DLG2: variants seen among roughly 807,000 people sequenced by gnomAD.
DLG2 encodes discs large MAGUK scaffold protein 2, also known as disks large homolog 2.
In DLG2, 45 loss-of-function variants were observed where a neutral mutation model predicts 132.5. The ratio of observed to expected loss-of-function variants is 0.34; its 90% CI spans 0.27 to 0.44. The LOEUF (loss-of-function observed/expected upper bound fraction) is 0.44, where lower values mean the gene tolerates loss of function less well. Among genes scored for constraint, DLG2 ranks in the 20% least tolerant of loss-of-function variants. DLG2 has a pLI of 1.00. For synonymous variants in DLG2, 424 were observed against 419.6 expected (o/e 1.01, Z -0.13); for missense variants, 1,045 against 1,196.9 (o/e 0.87, Z 1.87).
chr11:83,513,515 A>G (rs1174774068), intron 21 of DLG2, among the ~76,000 whole-genome samples: 3 of 152,200 alleles, frequency 2.0e-5, no homozygotes, highest in Non-Finnish European at 4.4e-5. Context: ...TTTGCTGTGC[A>G]GAAGCTCTTT....
At chr11:84,308,754 T>C (rs2098256646) in intron 7 of DLG2, among the ~76,000 whole-genome samples, 1 of 152,086 alleles carries the variant, frequency 6.6e-6, no homozygotes, top group South Asian at 2.1e-4. Flanking sequence ...GGGGACCCAG[T>C]ACACCCTCCG....
chr11:85,099,841 A>G (rs2070569754), intron 6 of DLG2, among the ~76,000 whole-genome samples: 1 of 152,176 alleles, frequency 6.6e-6, no homozygotes, highest in African/African-American at 2.4e-5. Context: ...AGTTCACAAG[A>G]CATTCACCTA....
At chr11:84,439,460 G>A (rs1602140733) in intron 7 of DLG2, among the ~76,000 whole-genome samples, 2 of 150,976 alleles carry the variant, frequency 1.3e-5, no homozygotes, top group Admixed American at 1.3e-4. Context: ...ATGCCTTGCT[G>A]CCAACCAGGG....
intron 15 of DLG2, among the ~76,000 whole-genome samples, chr11:83,895,066 T>C (rs1408382044): frequency 6.6e-6 from 1 of 152,012 alleles, no homozygotes; most frequent in Non-Finnish European, 1.5e-5. Flanking sequence ...TTTAATAGGA[T>C]CATTTTAGGA....
chr11:83,671,444 T>C (rs11824022), intron 18 of DLG2, among the ~76,000 whole-genome samples: 122 of 152,256 alleles, frequency 8.0e-4, no homozygotes, highest in African/African-American at 2.8e-3. Flanking sequence ...CTATGAGCAG[T>C]CAATGGAAGG....
chr11:84,263,730 A>T (rs925000733), intron 7 of DLG2, among the ~76,000 whole-genome samples: 2 of 152,178 alleles, frequency 1.3e-5, no homozygotes, highest in Non-Finnish European at 2.9e-5. Context: ...GATTTGAAAC[A>T]TAACAGGTGA....
chr11:83,698,418 T>C (rs1430291552), intron 18 of DLG2, among the ~76,000 whole-genome samples: 1 of 152,172 alleles, frequency 6.6e-6, no homozygotes, highest in Non-Finnish European at 1.5e-5. Context: ...TAAAATTATT[T>C]TGTGAGTGAA....
intron 6 of DLG2, among the ~76,000 whole-genome samples, chr11:84,558,919 T>C (rs2099417447): frequency 6.6e-6 from 1 of 152,170 alleles, no homozygotes. Context: ...GCTATGATTC[T>C]CCTAAGCCCC....
chr11:83,774,167 C>T (rs563576976), intron 18 of DLG2, among the ~76,000 whole-genome samples: 3 of 152,262 alleles, frequency 2.0e-5, no homozygotes, highest in East Asian at 1.9e-4. Flanking sequence ...CCACACAGGG[C>T]GTTATCTCCA....
chr11:85,243,755 G>C (rs1230703730), intron 4 of DLG2, among the ~76,000 whole-genome samples: 2 of 151,970 alleles, frequency 1.3e-5, no homozygotes, highest in African/African-American at 2.4e-5. Flanking sequence ...TCTAACTCTA[G>C]TTCTGCCACA....
intron 3 of DLG2, among the ~76,000 whole-genome samples, chr11:85,322,098 C>A (rs990567315): frequency 2.0e-5 from 3 of 152,056 alleles, no homozygotes; most frequent in African/African-American, 4.8e-5. Flanking sequence ...CTTATCATCA[C>A]TCCAAAGTGC....
chr11:84,159,046 A>G (rs1023005949), intron 9 of DLG2, among the ~76,000 whole-genome samples: 8 of 152,210 alleles, frequency 5.3e-5, no homozygotes, highest in Admixed American at 2.6e-4. Flanking sequence ...ACTTGACCAG[A>G]AAGTGCTAGA....
intron 3 of DLG2, among the ~76,000 whole-genome samples, chr11:85,331,935 A>G (rs961106683): frequency 1.3e-5 from 2 of 152,196 alleles, no homozygotes; most frequent in Admixed American, 6.5e-5. Flanking sequence ...ATACAAGTAC[A>G]TATGTCTTTT....
intron 6 of DLG2, among the ~76,000 whole-genome samples, chr11:84,710,907 C>A (rs1453305494): frequency 6.6e-6 from 1 of 150,516 alleles, no homozygotes; most frequent in African/African-American, 2.4e-5. Flanking sequence ...CTATCTGACA[C>A]CATCATTTAA....
At chr11:84,517,778 GA>G (rs1233411177) in intron 7 of DLG2, among the ~76,000 whole-genome samples, 1 of 151,918 alleles carries the variant, frequency 6.6e-6, no homozygotes, top group Non-Finnish European at 1.5e-5. Flanking sequence ...AACGGATAAA[GA>G]AAATGTGGTA....
chr11:84,243,688 A>C (rs1214592768), intron 8 of DLG2, among the ~76,000 whole-genome samples: 1 of 152,190 alleles, frequency 6.6e-6, no homozygotes, highest in Non-Finnish European at 1.5e-5. Context: ...TCCATGGGTC[A>C]CACTCTGAGC....
At chr11:83,643,040 G>A (rs1188635006) in intron 18 of DLG2, among the ~76,000 whole-genome samples, 1 of 152,162 alleles carries the variant, frequency 6.6e-6, no homozygotes, top group Non-Finnish European at 1.5e-5. Flanking sequence ...AGACATCACT[G>A]ATTTCCTGCT....
At chr11:84,014,459 T>C (rs929382797) in intron 11 of DLG2, among the ~76,000 whole-genome samples, 1 of 152,188 alleles carries the variant, frequency 6.6e-6, no homozygotes, top group African/African-American at 2.4e-5. Context: ...TATACATTAA[T>C]GTTTTAAATG....
chr11:85,129,861 G>C (rs1162347249), intron 5 of DLG2, among the ~76,000 whole-genome samples: 2 of 152,136 alleles, frequency 1.3e-5, no homozygotes, highest in African/African-American at 4.8e-5. Flanking sequence ...ATGCACCATA[G>C]AATACTATGC....
Sources: allele counts gnomAD v4.1 joint callset (sites outside exome capture counted in the v4.1 genomes callset), GRCh38; gene constraint gnomAD v4.1.1; transcripts MANE v1.5; gene names NCBI Gene and HGNC (gene_info 2026-07-23, HGNC 2026-07-21).